PRSS23: variants seen among roughly 807,000 people sequenced by gnomAD.
PRSS23 encodes serine protease 23.
PRSS23 carries 25 observed loss-of-function variants against 34.7 expected under a neutral mutation model. The ratio of observed to expected loss-of-function variants is 0.72; its 90% CI spans 0.53 to 1.01. The LOEUF (loss-of-function observed/expected upper bound fraction) is 1.01. Ranked by LOEUF, PRSS23 falls within the 50% of genes least tolerant of loss-of-function variation. The probability of loss-of-function intolerance (pLI) is 0.00; values close to 1 mark genes in which losing one functional copy is unlikely to be tolerated. For missense variants in PRSS23, 445 were observed against 475.6 expected, an observed-to-expected ratio of 0.94 and a Z score of 0.60; for synonymous variants, 176 against 186.6, an observed-to-expected ratio of 0.94 and a Z score of 0.46.
At chr11:86,885,796 G>A (rs913838658) in intron 2 of PRSS23, among the ~76,000 whole-genome samples, 1 of 152,170 alleles carries the variant, frequency 6.6e-6, no homozygotes, top group African/African-American at 2.4e-5. Context: ...TATTGGTCCT[G>A]TTGCTCTGGA....
At chr11:86,831,938 G>C (rs907943877) in intron 2 of PRSS23, among the ~76,000 whole-genome samples, 5 of 151,850 alleles carry the variant, frequency 3.3e-5, no homozygotes, top group African/African-American at 1.2e-4. Context: ...ATGTTCCAGT[G>C]TGTGTACACC....
intron 2 of PRSS23, among the ~76,000 whole-genome samples, chr11:86,824,097 G>A (rs1948277501): frequency 6.7e-6 from 1 of 148,852 alleles, no homozygotes; most frequent in Admixed American, 6.7e-5. Context: ...CCGTTTAGAA[G>A]AAGGGGAATC....
chr11:86,874,225 C>G (rs1391582967), intron 2 of PRSS23, among the ~76,000 whole-genome samples: 1 of 152,180 alleles, frequency 6.6e-6, no homozygotes, highest in Non-Finnish European at 1.5e-5. Flanking sequence ...TCAGAGGAGT[C>G]CTGTGTCTCC....
intron 1 of PRSS23, among the ~76,000 whole-genome samples, chr11:86,802,939 T>C (rs1460886087): frequency 6.6e-6 from 1 of 152,200 alleles, no homozygotes; most frequent in Non-Finnish European, 1.5e-5. Flanking sequence ...AGACAGTGGC[T>C]CATATTGAGT....
intron 2 of PRSS23, among the ~76,000 whole-genome samples, chr11:86,894,076 C>A (rs1948859041): frequency 6.6e-6 from 1 of 152,188 alleles, no homozygotes; most frequent in Admixed American, 6.6e-5. Context: ...TGCAGTGGCA[C>A]AATCTTGGCT....
intron 2 of PRSS23, among the ~76,000 whole-genome samples, chr11:86,825,253 T>C (rs965165056): frequency 2.5e-4 from 38 of 152,192 alleles, no homozygotes; most frequent in Non-Finnish European, 4.9e-4. Context: ...TTTTTTCATG[T>C]GTCTTTTGGC....
At chr11:86,907,461 C>T (rs986000553) in intron 2 of PRSS23, among the ~76,000 whole-genome samples, 1 of 141,642 alleles carries the variant, frequency 7.1e-6, no homozygotes, top group African/African-American at 2.5e-5. Flanking sequence ...GATCTATCCT[C>T]TTAACAATTT....
intron 2 of PRSS23, among the ~76,000 whole-genome samples, chr11:86,831,849 G>A (rs992753628): frequency 6.6e-6 from 1 of 151,888 alleles, no homozygotes; most frequent in African/African-American, 2.4e-5. Flanking sequence ...AATATCCTAT[G>A]CCAGTGTTCC....
chr11:86,905,584 C>T (rs913194441), intron 2 of PRSS23, among the ~76,000 whole-genome samples: 2 of 152,144 alleles, frequency 1.3e-5, no homozygotes, highest in Non-Finnish European at 2.9e-5. Flanking sequence ...TTAAACCATC[C>T]AGAAGTCCTG....
At chr11:86,826,088 G>C (rs867644985) in intron 2 of PRSS23, among the ~76,000 whole-genome samples, 2 of 151,980 alleles carry the variant, frequency 1.3e-5, no homozygotes, top group Admixed American at 6.6e-5. Flanking sequence ...CCATTTTCAC[G>C]ATATTGATTC....
At chr11:86,915,589 A>G (rs1356096953) in intron 2 of PRSS23, among the ~76,000 whole-genome samples, 1 of 148,266 alleles carries the variant, frequency 6.7e-6, no homozygotes, top group Admixed American at 6.8e-5. Context: ...AGTAATATAT[A>G]TATAACATAT....
At chr11:86,903,777 C>T (rs1411067752) in intron 2 of PRSS23, among the ~76,000 whole-genome samples, 2 of 152,088 alleles carry the variant, frequency 1.3e-5, no homozygotes, top group African/African-American at 4.8e-5. Flanking sequence ...GCCACCACTC[C>T]CGGACTACAT....
At chr11:86,792,212 GGAAGA>G (rs10617463) in intron 1 of PRSS23, among the ~76,000 whole-genome samples, 24,269 of 152,102 alleles carry the variant, frequency 0.16, 2,163 homozygotes, top group Middle Eastern at 0.23. Flanking sequence ...GATCAGAGTA[GGAAGA>G]GAAGAGGTCA....
intron 1 of PRSS23, among the ~76,000 whole-genome samples, chr11:86,817,359 T>G (rs1052642698): frequency 6.6e-6 from 1 of 152,248 alleles, no homozygotes; most frequent in South Asian, 2.1e-4. Context: ...TTTTAAACTC[T>G]TTAGATAGCT....
chr11:86,867,874 C>CAAAAAAAAAAAA lies in PRSS23; in HGVS notation c.206+44287_206+44298dup, dbSNP rs11352878. Among the ~76,000 whole-genome samples the CAAAAAAAAAAAA allele has an allele frequency of 4.8e-3, 567 of 118,150 alleles. 34 individuals carry two copies. Among genetic ancestry groups the CAAAAAAAAAAAA allele is most frequent in the African/African-American group, 0.017 (489 of 28,160 alleles). The allele number at this position is 118,150 out of a possible 152,430, so 77.5% of individuals were successfully genotyped here. ...CCAGTGACAGAGTGAGACCCTACCT[C>CAAAAAAAAAAAA]AAAAAAAAAAAAAAAAATACAACAG... On this transcript the variant is annotated intron_variant, in intron 2 of 2. Transcript: ENST00000533902.
chr11:86,858,767 A>G (rs1196002073), intron 2 of PRSS23, among the ~76,000 whole-genome samples: 1 of 151,784 alleles, frequency 6.6e-6, no homozygotes, highest in African/African-American at 2.4e-5. Flanking sequence ...AAATAGGATG[A>G]TATGACTCCC....
At chr11:86,823,029 T>C (rs960211719) in intron 1 of PRSS23, among the ~76,000 whole-genome samples, 5 of 152,168 alleles carry the variant, frequency 3.3e-5, no homozygotes, top group African/African-American at 7.2e-5. Flanking sequence ...ACTTTCTGCC[T>C]CCAGGGATCA....
chr11:86,837,647 G>A (rs375970864), intron 2 of PRSS23: 1 of 152,176 alleles, frequency 6.6e-6, no homozygotes, highest in South Asian at 2.1e-4. Flanking sequence ...TGCACCTGTT[G>A]TCCCAGCTAT....
chr11:86,871,665 T>C (rs2433447), intron 2 of PRSS23, among the ~76,000 whole-genome samples: 86,967 of 152,068 alleles, frequency 0.57, 25,841 homozygotes, highest in African/African-American at 0.74. Context: ...TAACCTCCAA[T>C]GACTGACAAC....
Sources: gnomAD v4.1 joint callset for allele counts (sites outside exome capture counted in the v4.1 genomes callset) on GRCh38, gnomAD v4.1.1 for gene constraint, MANE v1.5 for transcripts, NCBI Gene and HGNC (gene_info 2026-07-23, HGNC 2026-07-21) for gene names.